CLSTN2: variants seen among roughly 807,000 people sequenced by gnomAD.
CLSTN2 encodes calsyntenin 2.
In CLSTN2, 48 loss-of-function variants were observed where a neutral mutation model predicts 101.2. The ratio of observed to expected loss-of-function variants is 0.47; its 90% CI spans 0.38 to 0.60. CLSTN2 has a LOEUF of 0.60. Among genes scored for constraint, CLSTN2 ranks in the 20% least tolerant of loss-of-function variants. The pLI is 0.00. For missense variants in CLSTN2, 1,160 were observed against 1,238.2 expected (o/e 0.94, Z 0.95); for synonymous variants, 481 against 463.6 (o/e 1.04, Z -0.48).
intron 2 of CLSTN2, among the ~76,000 whole-genome samples, chr3:140,376,605 C>A (rs2087919841): frequency 6.6e-6 from 1 of 152,198 alleles, no homozygotes; most frequent in African/African-American, 2.4e-5. Context: ...AATGCTATTA[C>A]AAAGTTGTTG....
chr3:140,526,189 G>A (rs1397643983), intron 8 of CLSTN2, among the ~76,000 whole-genome samples: 1 of 151,956 alleles, frequency 6.6e-6, no homozygotes, highest in Non-Finnish European at 1.5e-5. Flanking sequence ...TAAAGACTCT[G>A]CCAAAAGGCT....
chr3:139,999,568 C>A (rs1449596863), intron 1 of CLSTN2, among the ~76,000 whole-genome samples: 1 of 152,074 alleles, frequency 6.6e-6, no homozygotes, highest in East Asian at 1.9e-4. Flanking sequence ...AGAGGGGCAG[C>A]TCTTCTGAGG....
intron 1 of CLSTN2, among the ~76,000 whole-genome samples, chr3:139,950,077 A>G (rs944552422): frequency 6.6e-6 from 1 of 152,156 alleles, no homozygotes; most frequent in Non-Finnish European, 1.5e-5. Flanking sequence ...AGAGGGGCCA[A>G]CCTTTGGCTG....
chr3:140,501,624 A>T (rs1028193078), intron 8 of CLSTN2, among the ~76,000 whole-genome samples: 1 of 151,980 alleles, frequency 6.6e-6, no homozygotes, highest in East Asian at 1.9e-4. Flanking sequence ...AGCTGGTAAG[A>T]GTTGAGTTGT....
intron 2 of CLSTN2, among the ~76,000 whole-genome samples, chr3:140,351,511 A>G (rs1284746668): frequency 6.6e-6 from 1 of 152,240 alleles, no homozygotes; most frequent in Non-Finnish European, 1.5e-5. Context: ...AACACAGTCA[A>G]GTCTTCCTAG....
At chr3:139,955,672 G>A (rs915813220) in intron 1 of CLSTN2, among the ~76,000 whole-genome samples, 6 of 152,418 alleles carry the variant, frequency 3.9e-5, no homozygotes, top group African/African-American at 1.4e-4. Context: ...GTCATCTAGA[G>A]CTAGGCCCTT....
chr3:140,171,638 T>TTA (rs1190432159), intron 1 of CLSTN2, among the ~76,000 whole-genome samples: 6 of 117,674 alleles, frequency 5.1e-5, no homozygotes, highest in South Asian at 2.4e-4. Flanking sequence ...GTATTATATA[T>TTA]TATATATAAT....
intron 8 of CLSTN2, chr3:140,506,549 G>A (rs973735536): frequency 6.6e-6 from 1 of 152,182 alleles, no homozygotes; most frequent in Non-Finnish European, 1.5e-5. Context: ...AACAGAGTAA[G>A]AGCCTGGGAG....
chr3:140,189,511 T>C (rs906098238), intron 2 of CLSTN2, among the ~76,000 whole-genome samples: 1 of 152,222 alleles, frequency 6.6e-6, no homozygotes, highest in Admixed American at 6.5e-5. Context: ...ATGTCAAATG[T>C]TTTTACATAT....
At chr3:140,405,332 A>T (rs575496147) in intron 4 of CLSTN2, among the ~76,000 whole-genome samples, 18 of 152,002 alleles carry the variant, frequency 1.2e-4, no homozygotes, top group South Asian at 2.1e-4. Flanking sequence ...GGTTCAAGTT[A>T]TTCTCCTGCC....
At chr3:140,330,193 G>T (rs562261778) in intron 2 of CLSTN2, among the ~76,000 whole-genome samples, 2 of 152,308 alleles carry the variant, frequency 1.3e-5, no homozygotes, top group South Asian at 4.1e-4. Context: ...TTGGCAAGTA[G>T]ATAGGCTGTG....
chr3:140,024,852 T>C (rs1306993123), intron 1 of CLSTN2, among the ~76,000 whole-genome samples: 1 of 152,244 alleles, frequency 6.6e-6, no homozygotes, highest in East Asian at 1.9e-4. Flanking sequence ...GCAGATAAAG[T>C]ACATGGCACA....
chr3:139,981,063 G>A (rs936505156), intron 1 of CLSTN2, among the ~76,000 whole-genome samples: 1 of 151,882 alleles, frequency 6.6e-6, no homozygotes, highest in Admixed American at 6.6e-5. Context: ...GGTTTGATTG[G>A]GCAATCAAAG....
At chr3:140,538,317 A>G (rs1935397995) in intron 9 of CLSTN2, among the ~76,000 whole-genome samples, 1 of 152,174 alleles carries the variant, frequency 6.6e-6, no homozygotes, top group Admixed American at 6.5e-5. Flanking sequence ...GTCTTGCTGA[A>G]TCCTACCCTC....
intron 1 of CLSTN2, among the ~76,000 whole-genome samples, chr3:139,985,986 G>A (rs187290003): frequency 1.3e-4 from 20 of 152,294 alleles, no homozygotes; most frequent in African/African-American, 4.1e-4. Flanking sequence ...CGACATGGCA[G>A]ACTCAAGCCT....
At chr3:140,416,033 G>A (rs1005458738) in intron 4 of CLSTN2, among the ~76,000 whole-genome samples, 8 of 152,260 alleles carry the variant, frequency 5.3e-5, no homozygotes, top group African/African-American at 1.9e-4. Flanking sequence ...CGTTAAAAAA[G>A]AAGGAAATCC....
intron 2 of CLSTN2, among the ~76,000 whole-genome samples, chr3:140,206,324 G>A (rs574298520): frequency 1.3e-5 from 2 of 152,284 alleles, no homozygotes; most frequent in South Asian, 2.1e-4. Context: ...CTATAGATTG[G>A]GCTAGCCCTG....
At chr3:140,307,390 T>G (rs1470590239) in intron 2 of CLSTN2, among the ~76,000 whole-genome samples, 1 of 152,188 alleles carries the variant, frequency 6.6e-6, no homozygotes, top group Non-Finnish European at 1.5e-5. Context: ...CCTGTGCTTT[T>G]CTGAGCTCTT....
intron 1 of CLSTN2, among the ~76,000 whole-genome samples, chr3:140,141,208 GC>G (rs1472802129): frequency 7.2e-5 from 11 of 152,306 alleles, no homozygotes; most frequent in South Asian, 6.2e-4. Flanking sequence ...GGGGATCTCT[GC>G]TTCTGTTTAA....
Sources: allele counts gnomAD v4.1 joint callset (sites outside exome capture counted in the v4.1 genomes callset), GRCh38; gene constraint gnomAD v4.1.1; transcripts MANE v1.5; gene names NCBI Gene and HGNC (gene_info 2026-07-23, HGNC 2026-07-21).